The following TXNRD3 variants were observed in gnomAD, a reference collection of about 807,000 sequenced individuals.
TXNRD3 encodes TXNRD3 neighbor gene protein.
TXNRD3 carries 68 observed loss-of-function variants against 78.2 expected under a neutral mutation model. That is an observed-to-expected ratio of 0.87 (90% CI 0.72 to 1.06). The LOEUF (loss-of-function observed/expected upper bound fraction) is 1.06, where lower values mean the gene tolerates loss of function less well. TXNRD3 is among the 50% of genes least tolerant of loss of function. TXNRD3 has a pLI of 0.00. For missense variants in TXNRD3, 751 were observed against 809.5 expected (o/e 0.93, Z 0.88); for synonymous variants, 296 against 300.1 (o/e 0.99, Z 0.14).
chr3:126,655,045 C>T lies in TXNRD3; in HGVS notation c.-55G>A. ...GCCTGCTCACAAACCGAAACGCAGGCGGCTGCGGCGCCGGGACGGGGCCTG... is the reference window on the plus strand; with the variant it reads ...GCCTGCTCACAAACCGAAACGCAGGTGGCTGCGGCGCCGGGACGGGGCCTG... On this transcript the variant is annotated 5_prime_UTR_variant, in exon 1 of 16. Transcript: ENST00000524230. 1 of 1,289,348 alleles carries T rather than the reference C, an allele frequency of 7.8e-7. No individual in the cohort carries two copies. The highest frequency in any genetic ancestry group is 9.8e-7 in the Non-Finnish European group (1 of 1,019,398). 79.9% of individuals were successfully genotyped at this position (1,289,348 alleles called of 1,614,324 possible). A position where few individuals can be genotyped will look rare whatever the true frequency, so the allele number is the denominator to read the frequency against.
At chr3:126,646,029 C>T in intron 3 of TXNRD3, 82 bp downstream of exon 3, 3 of 1,141,822 alleles carry the variant, frequency 2.6e-6, no homozygotes, top group South Asian at 1.8e-5. Flanking sequence ...GAGTGGACTC[C>T]TAAAAACCAT....
chr3:126,647,362 A>G, intron 1 of TXNRD3, 66 bp from the exon 2 acceptor site: 1 of 1,092,628 alleles, frequency 9.2e-7, no homozygotes, highest in East Asian at 2.6e-5. Context: ...ATATGAACAT[A>G]GTAATGAGAG....
chr3:126,647,475 A>C (rs1933267535), intron 1 of TXNRD3, among the ~76,000 whole-genome samples, 179 bp from the exon 2 acceptor site: 1 of 152,170 alleles, frequency 6.6e-6, no homozygotes, highest in South Asian at 2.1e-4. Flanking sequence ...TTCCCAGAAT[A>C]ATCTCAGGCC....
At chr3:126,636,840 A>G (rs909669702) in intron 6 of TXNRD3, among the ~76,000 whole-genome samples, 1 of 152,142 alleles carries the variant, frequency 6.6e-6, no homozygotes, top group African/African-American at 2.4e-5. Context: ...CCTGTGGCCC[A>G]TGGGCTGCAG....
In TXNRD3 at chr3:126,630,574, G is replaced by A. The variant is rs565045753; in HGVS notation, c.1197+138C>T. 11 of 902,488 alleles carry A rather than the reference G, an allele frequency of 1.2e-5. 1 individual carries two copies. The South Asian group carries it at 1.7e-4, about 14-fold the overall frequency. The allele number at this position is 902,488 out of a possible 1,614,324, so 55.9% of individuals were successfully genotyped here. A position where few individuals can be genotyped will look rare whatever the true frequency, so the allele number is the denominator to read the frequency against. On this transcript the variant is annotated intron_variant, in intron 9 of 15. Coordinates refer to ENST00000524230, the MANE Select transcript of TXNRD3 (RefSeq NM_052883.3). ...AAGAGGGGACGAGGGGGAAAATGGG[G>A]TTGGCTCTGTAGACTTGGGAGTGGA... is the stretch of plus-strand genomic sequence containing the variant.
intron 12 of TXNRD3, among the ~76,000 whole-genome samples, chr3:126,616,339 C>T (rs1183764049): frequency 2.0e-5 from 3 of 152,178 alleles, no homozygotes; most frequent in African/African-American, 7.2e-5. Context: ...TTCCCCAATC[C>T]CTGCCAATGG....
At chr3:126,654,203 C>A (rs1354913867) in intron 1 of TXNRD3, among the ~76,000 whole-genome samples, 5 of 152,040 alleles carry the variant, frequency 3.3e-5, no homozygotes. Context: ...AAAAACACAG[C>A]CTATAATTTC....
chr3:126,611,169 G>A, intron 13 of TXNRD3, 37 bp from the exon 14 acceptor site: 1 of 1,316,776 alleles, frequency 7.6e-7, no homozygotes, highest in Non-Finnish European at 1.0e-6. Flanking sequence ...CAGAATTAAT[G>A]TATATGGAAA....
chr3:126,650,044 G>A (rs1238110623), intron 1 of TXNRD3, among the ~76,000 whole-genome samples: 1 of 152,160 alleles, frequency 6.6e-6, no homozygotes, highest in Non-Finnish European at 1.5e-5. Context: ...AAAAGCAAAA[G>A]CAAACCAATG....
At chr3:126,612,288 T>C (rs879551373) in intron 13 of TXNRD3, among the ~76,000 whole-genome samples, 13 of 152,284 alleles carry the variant, frequency 8.5e-5, no homozygotes, top group Middle Eastern at 3.4e-3. Context: ...CCCACCTGCC[T>C]CAGCCTCCCA....
intron 4 of TXNRD3, 38 bp downstream of exon 4, chr3:126,644,259 A>G (rs1933173533): frequency 6.7e-7 from 1 of 1,501,966 alleles, no homozygotes; most frequent in Non-Finnish European, 8.9e-7. Context: ...GGCAGTCATC[A>G]GGAAAATTAT....
In TXNRD3 at chr3:126,634,188, A is replaced by G. The variant is rs1938794278; in HGVS notation, c.713-137T>C. 3 of 693,688 alleles carry G rather than the reference A, an allele frequency of 4.3e-6. No individual in the cohort carries two copies. In the African/African-American group the frequency reaches 5.5e-5, roughly 13 times the overall value. The allele number at this position is 693,688 out of a possible 1,614,324, so 43.0% of individuals were successfully genotyped here. ...ACAATCAGTAACTTAAATATTTTGT[A>G]TGCCAGCCATAGTTTATACTCTTCC... On this transcript the variant is annotated intron_variant, in intron 6 of 15. Coordinates refer to ENST00000524230, the MANE Select transcript of TXNRD3 (RefSeq NM_052883.3).
chr3:126,648,998 T>C (rs951994846), intron 1 of TXNRD3, among the ~76,000 whole-genome samples: 1 of 152,098 alleles, frequency 6.6e-6, no homozygotes, highest in Non-Finnish European at 1.5e-5. Flanking sequence ...CTGGGCAACA[T>C]AGCAAGATGC....
chr3:126,612,416 C>T (rs987076177), intron 13 of TXNRD3, among the ~76,000 whole-genome samples: 1 of 152,114 alleles, frequency 6.6e-6, no homozygotes, highest in Admixed American at 6.5e-5. Flanking sequence ...TTAGGATACA[C>T]TTTCCTAAAA....
chr3:126,646,364 C>A, intron 2 of TXNRD3, 144 bp from the exon 3 acceptor site: 1 of 541,318 alleles, frequency 1.8e-6, no homozygotes. Flanking sequence ...GAAATGATAA[C>A]TCAAGAGGGG....
intron 10 of TXNRD3, among the ~76,000 whole-genome samples, chr3:126,624,049 G>T (rs1938517834): frequency 6.6e-6 from 1 of 152,064 alleles, no homozygotes; most frequent in African/African-American, 2.4e-5. Flanking sequence ...AGCAAAATAT[G>T]TGAAAGACCT....
At chr3:126,645,385 G>A (rs1933201991) in intron 3 of TXNRD3, among the ~76,000 whole-genome samples, 1 of 152,160 alleles carries the variant, frequency 6.6e-6, no homozygotes, top group Non-Finnish European at 1.5e-5. Flanking sequence ...GTGTTTACAG[G>A]ACTTACCACT....
intron 5 of TXNRD3, among the ~76,000 whole-genome samples, chr3:126,643,758 C>T (rs543832463): frequency 1.3e-5 from 2 of 151,698 alleles, no homozygotes; most frequent in East Asian, 1.9e-4. Context: ...TGAATAGAGA[C>T]AAGGTCTCAC....
At position 126,616,796 on chromosome 3, in the gene TXNRD3, A is replaced by G. The variant is rs1203044217; in HGVS notation, c.1525-1334T>C. Among the ~76,000 whole-genome samples the G allele has an allele frequency of 2.0e-5, 3 of 152,160 alleles. No individual in the cohort carries two copies. The East Asian group carries it at 5.8e-4, about 29-fold the overall frequency. The stretch of plus-strand genomic sequence containing the variant: ...CCAAAACACCACCACGTATCCCCCA[A>G]ATCAATGAGAGGATTTGCATACAAC... On this transcript the variant is annotated intron_variant, in intron 12 of 15. Coordinates refer to ENST00000524230, the MANE Select transcript of TXNRD3 (RefSeq NM_052883.3).
Sources: gnomAD v4.1 joint callset for allele counts (sites outside exome capture counted in the v4.1 genomes callset) on GRCh38, gnomAD v4.1.1 for gene constraint, MANE v1.5 for transcripts, NCBI Gene and HGNC (gene_info 2026-07-23, HGNC 2026-07-21) for gene names.